Variants in TMPRSS3 observed in about 807,000 individuals in gnomAD.
The protein encoded by TMPRSS3 is transmembrane serine protease 3, also known as transmembrane protease serine 3.
Under a neutral mutation model 59.6 loss-of-function variants are expected in TMPRSS3, and 55 were observed. The ratio of observed to expected loss-of-function variants is 0.92; its 90% CI spans 0.74 to 1.16. The LOEUF is 1.16. Ranked by LOEUF, TMPRSS3 falls within the 50% of genes most tolerant of loss-of-function variation. The pLI is 0.00. For missense variants in TMPRSS3, 596 were observed against 579.4 expected, an observed-to-expected ratio of 1.03 and a Z score of -0.29; for synonymous variants, 257 against 237.7, an observed-to-expected ratio of 1.08 and a Z score of -0.75.
At chr21:42,384,692 G>A (rs549040969) in intron 6 of TMPRSS3, among the ~76,000 whole-genome samples, 26 of 152,296 alleles carry the variant, frequency 1.7e-4, no homozygotes, top group South Asian at 2.1e-4. Context: ...GGTGGGTCCC[G>A]GGGTGCTTAT....
At chr21:42,383,290 C>T in intron 7 of TMPRSS3, 92 bp from the exon 8 acceptor site, 1 of 1,342,164 alleles carries the variant, frequency 7.5e-7, no homozygotes, top group Non-Finnish European at 1.1e-6. Context: ...TCTCTCCCCA[C>T]CCTCACTGCC....
At chr21:42,387,144 C>G (rs1401990374) in intron 5 of TMPRSS3, among the ~76,000 whole-genome samples, 2 of 152,094 alleles carry the variant, frequency 1.3e-5, no homozygotes, top group South Asian at 4.1e-4. Context: ...GGGCTCCTGA[C>G]TTGGGTCTGC....
At chr21:42,387,914 C>CTACATG (rs1008465769) in intron 5 of TMPRSS3, among the ~76,000 whole-genome samples, 2 of 152,222 alleles carry the variant, frequency 1.3e-5, no homozygotes. Context: ...GTTCTTTGTT[C>CTACATG]TACATGTTGC....
intron 3 of TMPRSS3, 53 bp from the exon 4 acceptor site, chr21:42,389,098 C>T: frequency 6.2e-7 from 1 of 1,610,680 alleles, no homozygotes; most frequent in East Asian, 2.2e-5. Context: ...CAGAGTGCAA[C>T]ACTAACAACT....
chr21:42,372,607 A>G lies in TMPRSS3; in HGVS notation c.*155T>C. On this transcript the variant is annotated 3_prime_UTR_variant, in exon 13 of 13. Transcript: ENST00000644384. ...AGCTTGAAGGTTGTGCTGGAATCAG[A>G]TGGAAGGGTGCCTCTTTCGGGCCTG... is the stretch of plus-strand genomic sequence containing the variant. 1.2e-6 allele frequency: 1 copy of G among 817,636 alleles called. No homozygotes were observed. The highest frequency in any genetic ancestry group is 2.2e-6 in the Non-Finnish European group (1 of 455,260). 50.6% of individuals were successfully genotyped at this position (817,636 alleles called of 1,614,324 possible).
intron 8 of TMPRSS3, chr21:42,382,620 T>G (rs1444342770): frequency 2.6e-6 from 1 of 388,848 alleles, no homozygotes; most frequent in Admixed American, 3.8e-5. Context: ...CACTCTAAAC[T>G]CCTGAGATTT....
At chr21:42,380,785 A>G (rs915224121) in intron 9 of TMPRSS3, among the ~76,000 whole-genome samples, 12 of 152,252 alleles carry the variant, frequency 7.9e-5, no homozygotes, top group African/African-American at 2.9e-4. Flanking sequence ...CCCCAAAGCC[A>G]GAGTGCCCTG....
At chr21:42,385,835 T>C (rs2052626184) in intron 5 of TMPRSS3, among the ~76,000 whole-genome samples, 1 of 152,082 alleles carries the variant, frequency 6.6e-6, no homozygotes, top group South Asian at 2.1e-4. Flanking sequence ...CTTGGTTGAG[T>C]CACTCTTTGC....
intron 10 of TMPRSS3, among the ~76,000 whole-genome samples, chr21:42,379,048 C>G (rs570018063): frequency 4.6e-5 from 7 of 152,276 alleles, no homozygotes; most frequent in African/African-American, 1.4e-4. Flanking sequence ...CCATGCCTGG[C>G]TAATTTTTGT....
At chr21:42,376,826 G>C in intron 10 of TMPRSS3, 143 bp from the exon 11 acceptor site, 2 of 1,315,844 alleles carry the variant, frequency 1.5e-6, no homozygotes, top group Non-Finnish European at 2.2e-6. Flanking sequence ...AAAAGGACAG[G>C]GCCCTGCGGG....
intron 2 of TMPRSS3, among the ~76,000 whole-genome samples, chr21:42,393,314 A>G (rs180839835): frequency 7.2e-5 from 11 of 152,340 alleles, no homozygotes; most frequent in Non-Finnish European, 1.5e-4. Context: ...ACATAACTAC[A>G]TGCCAACTTC....
chr21:42,394,435 C>G (rs117552882), intron 2 of TMPRSS3, among the ~76,000 whole-genome samples: 3,184 of 152,280 alleles, frequency 0.021, 61 homozygotes, highest in Middle Eastern at 0.044. Flanking sequence ...CAGGAAGAGA[C>G]TTTGCAGACA....
At chr21:42,380,012 T>C (rs1783528791) in intron 10 of TMPRSS3, 105 bp downstream of exon 10, 27 of 949,092 alleles carry the variant, frequency 2.8e-5, no homozygotes, top group Non-Finnish European at 4.3e-5. Flanking sequence ...CCGGGGTATC[T>C]GGGCAGCCCA....
chr21:42,389,636 C>T (rs2052700705), intron 3 of TMPRSS3, among the ~76,000 whole-genome samples: 1 of 152,266 alleles, frequency 6.6e-6, no homozygotes. Context: ...CGGTCAGTGC[C>T]TCCCTCCCAC....
At chr21:42,393,500 T>A (rs949230483) in intron 2 of TMPRSS3, among the ~76,000 whole-genome samples, 3 of 152,154 alleles carry the variant, frequency 2.0e-5, no homozygotes, top group Non-Finnish European at 4.4e-5. Flanking sequence ...ACCATAGATA[T>A]ACGCAAATAT....
At chr21:42,376,813 C>A in intron 10 of TMPRSS3, 130 bp from the exon 11 acceptor site, 1 of 1,399,100 alleles carries the variant, frequency 7.1e-7, no homozygotes. Flanking sequence ...GTCGCAACAG[C>A]GGAAAAGGAC....
chr21:42,376,405 G>A, intron 11 of TMPRSS3, 136 bp downstream of exon 11: 1 of 1,274,944 alleles, frequency 7.8e-7, no homozygotes, highest in South Asian at 1.3e-5. Flanking sequence ...AGGAAAAGGA[G>A]TGATATCTTG....
intron 10 of TMPRSS3, among the ~76,000 whole-genome samples, chr21:42,377,522 G>A (rs2052450903): frequency 6.6e-6 from 1 of 152,224 alleles, no homozygotes. Flanking sequence ...CTAACTATGA[G>A]ATGATACCTT....
At chr21:42,374,170 C>A (rs950041501) in intron 12 of TMPRSS3, among the ~76,000 whole-genome samples, 1 of 152,176 alleles carries the variant, frequency 6.6e-6, no homozygotes, top group African/African-American at 2.4e-5. Context: ...ACAGTGCGGG[C>A]GGGCTGGGCT....
Sources: gnomAD v4.1 joint callset for allele counts (sites outside exome capture counted in the v4.1 genomes callset) on GRCh38, gnomAD v4.1.1 for gene constraint, MANE v1.5 for transcripts, NCBI Gene and HGNC (gene_info 2026-07-23, HGNC 2026-07-21) for gene names.